Variants in HPS1 observed in about 807,000 individuals in gnomAD.
HPS1 encodes BLOC-3 complex member HPS1.
In HPS1, 59 loss-of-function variants were observed where a neutral mutation model predicts 90.6. The observed-to-expected ratio is 0.65, with a 90% CI of 0.53 to 0.81. The LOEUF is 0.81. Ranked by LOEUF, HPS1 falls within the 30% of genes least tolerant of loss-of-function variation. The pLI is 0.00. For synonymous variants in HPS1, 388 were observed against 384.4 expected, an observed-to-expected ratio of 1.01 and a Z score of -0.11; for missense variants, 849 against 896.7, an observed-to-expected ratio of 0.95 and a Z score of 0.68.
Position 98,435,902 on chromosome 10 carries a change from T to A in HPS1, c.118-130A>T, listed in dbSNP as rs905787849. ...CCCTCCTGGGAGGGTATCACTGTCC[T>A]GGTAGGGAGGGGAGCAAAAAGAGAC... On this transcript the variant is annotated intron_variant, in intron 3 of 19. Coordinates refer to ENST00000361490, the MANE Select transcript of HPS1 (RefSeq NM_000195.5). This position sits in a 1 kb window ranked among gnomAD's most constrained non-coding sequence, Gnocchi z 4.3. 2.6e-6 allele frequency: 3 copies of A among 1,175,626 alleles called. No homozygotes were observed. Among genetic ancestry groups the A allele is most frequent in the Non-Finnish European group, 3.7e-6 (3 of 819,510 alleles). 72.8% of individuals were successfully genotyped at this position (1,175,626 alleles called of 1,614,324 possible). A position where few individuals can be genotyped will look rare whatever the true frequency, so the allele number is the denominator to read the frequency against.
At chr10:98,424,613 CG>C (rs1564836798) in intron 13 of HPS1, among the ~76,000 whole-genome samples, 1 of 151,984 alleles carries the variant, frequency 6.6e-6, no homozygotes, top group East Asian at 1.9e-4. Flanking sequence ...CGCTGTCTGA[CG>C]GGCACAGGCA....
chr10:98,435,884 G>A lies in HPS1; in HGVS notation c.118-112C>T. 16 of 1,322,040 alleles carry A rather than the reference G, an allele frequency of 1.2e-5. No homozygotes were observed. The highest frequency in any genetic ancestry group is 1.7e-5 in the Non-Finnish European group (16 of 932,568). The allele number at this position is 1,322,040 out of a possible 1,614,324, so 81.9% of individuals were successfully genotyped here. ...GGGTTCCATAGTGTTAGACCCTCCT[G>A]GGAGGGTATCACTGTCCTGGTAGGG... On this transcript the variant is annotated intron_variant, in intron 3 of 19. Transcript: ENST00000361490. This position sits in a 1 kb window ranked among gnomAD's most constrained non-coding sequence, Gnocchi z 4.3.
chr10:98,431,676 G>A (rs1233592446), intron 6 of HPS1, among the ~76,000 whole-genome samples: 1 of 152,152 alleles, frequency 6.6e-6, no homozygotes, highest in Non-Finnish European at 1.5e-5. Flanking sequence ...ACCAGAGAAA[G>A]AGGGAGAGAG....
At chr10:98,423,284 C>T (rs930210808) in intron 16 of HPS1, among the ~76,000 whole-genome samples, 2 of 147,476 alleles carry the variant, frequency 1.4e-5, no homozygotes, top group Admixed American at 6.8e-5. Context: ...CAGGAACCCC[C>T]CCCCCGGTCC....
chr10:98,422,019 T>G (rs1203611742), intron 17 of HPS1, among the ~76,000 whole-genome samples: 1 of 135,252 alleles, frequency 7.4e-6, no homozygotes, highest in Non-Finnish European at 1.6e-5. Context: ...CACACACGTA[T>G]AGTTTTTTTG....
rs1845003983 is a variant in HPS1, at chr10:98,422,408, C to T, written c.1704G>A (p.Glu568=). ...SLNCSQKTSS[E]LGKGPLAAFV... is the part of the protein sequence containing the mutation. ...AGGCAGCCAGCGGCCCCTTGCCCAA[C>T]TCCGACGAGGTCTTTTGACTGCAGT... The change falls in exon 17 of 20, where the codon GAG becomes GAA. Residue 568 remains glutamate (E), a synonymous_variant. Transcript: ENST00000361490. 5 of 1,614,014 alleles carry T rather than the reference C, an allele frequency of 3.1e-6. No individual in the cohort carries two copies. In the South Asian group the frequency reaches 5.5e-5, roughly 18 times the overall value.
intron 8 of HPS1, 28 bp from the exon 9 acceptor site, chr10:98,429,917 A>T (rs1204749723): frequency 6.3e-7 from 1 of 1,592,374 alleles, no homozygotes; most frequent in East Asian, 2.2e-5. Flanking sequence ...GAGGCTGGTT[A>T]GCTCCTATCT....
chr10:98,435,410 C>T lies in HPS1; in HGVS notation c.260G>A (p.Gly87Glu). The T allele has an allele frequency of 6.2e-7, 1 of 1,613,884 alleles. No homozygotes were observed. Among genetic ancestry groups the T allele is most frequent in the Non-Finnish European group, 8.5e-7 (1 of 1,180,018 alleles). The stretch of plus-strand genomic sequence containing the variant: ...ATTGATGGCAATGAACAGGCATTCT[C>T]CAAACTGCAGGCACAGGCAGGCCAG... ...GNFLYVLHLF[G>E]ECLFIAINGD... Residue 87 changes from glycine to glutamate, a missense_variant, in exon 5 of 20, where the codon GGA (glycine) becomes GAA (glutamate). Transcript: ENST00000361490. The surrounding 1 kb of genome is among the most constrained non-coding windows in gnomAD (Gnocchi z 4.3).
intron 9 of HPS1, 31 bp downstream of exon 9, chr10:98,429,760 C>A (rs1846134129): frequency 1.9e-6 from 3 of 1,613,290 alleles, no homozygotes; most frequent in South Asian, 1.1e-5. Context: ...TCCCCTCCTG[C>A]CCCTGACTCC....
At chr10:98,432,443 A>G (rs1284842420) in intron 6 of HPS1, among the ~76,000 whole-genome samples, 1 of 152,230 alleles carries the variant, frequency 6.6e-6, no homozygotes, top group East Asian at 1.9e-4. Context: ...AGCATATAAT[A>G]GGTACTATAT....
In HPS1 at chr10:98,431,427, T is replaced by A. The variant is rs968949535; in HGVS notation, c.508-136A>T. The A allele has an allele frequency of 6.6e-6, 6 of 913,904 alleles. No homozygotes were observed. The African/African-American group carries it at 6.6e-5, about 10-fold the overall frequency. The allele number at this position is 913,904 out of a possible 1,614,324, so 56.6% of individuals were successfully genotyped here. A position where few individuals can be genotyped will look rare whatever the true frequency, so the allele number is the denominator to read the frequency against. On this transcript the variant is annotated intron_variant, in intron 6 of 19. Coordinates refer to ENST00000361490, the MANE Select transcript of HPS1 (RefSeq NM_000195.5). The stretch of plus-strand genomic sequence containing the variant: ...ACCAGATACTTGGAAACAGGGGGAC[T>A]AAGACCCACCAGGTCCCAGCCTTCC...
chr10:98,428,039 T>C (rs1407429354), intron 10 of HPS1, among the ~76,000 whole-genome samples: 1 of 152,088 alleles, frequency 6.6e-6, no homozygotes, highest in African/African-American at 2.4e-5. Context: ...AGGAAGATGG[T>C]GATGAATGAG....
At chr10:98,441,453 T>C (rs888511005) in intron 3 of HPS1, among the ~76,000 whole-genome samples, 2 of 152,198 alleles carry the variant, frequency 1.3e-5, no homozygotes, top group Non-Finnish European at 2.9e-5. Context: ...GAAAACTCTT[T>C]GTAAGTTGGG....
At chr10:98,419,073 T>C (rs1378258213) in intron 18 of HPS1, among the ~76,000 whole-genome samples, 5 of 152,100 alleles carry the variant, frequency 3.3e-5, no homozygotes, top group Admixed American at 3.3e-4. Context: ...TGTGTCTCCA[T>C]CCGTACAACG....
Position 98,423,797 on chromosome 10 carries a change from T to A in HPS1, c.1488A>T (p.Pro496=). ...GGTCCTGCAGGTGCTGGGGCAGGTG[T>A]GGGCCTCCCCTGCTGGGGGCTGTGG... The part of the protein sequence containing the change: ...FLTTAPSRGG[P]HLPQHLQDQV... The change falls in exon 15 of 20, where the codon CCA becomes CCT. Residue 496 remains proline (P), a synonymous_variant. Transcript: ENST00000361490. 1 of 1,614,012 alleles carries A rather than the reference T, an allele frequency of 6.2e-7. No homozygotes were observed. Among genetic ancestry groups the A allele is most frequent in the Non-Finnish European group, 8.5e-7 (1 of 1,180,010 alleles).
rs190970365 is a variant in HPS1, at chr10:98,445,114, G to A, written c.-1+186C>T. On this transcript the variant is annotated intron_variant, in intron 2 of 19. Coordinates refer to ENST00000361490, the MANE Select transcript of HPS1 (RefSeq NM_000195.5). The surrounding 1 kb of genome is among the most constrained non-coding windows in gnomAD (Gnocchi z 4.5). The stretch of plus-strand genomic sequence containing the variant: ...GTGATGACCTGCCTGGATTCGAGGG[G>A]TGAAGGAGAGATGAGGCATCAGGAT... Among the ~76,000 whole-genome samples, 1 of 152,290 alleles carries A rather than the reference G, an allele frequency of 6.6e-6. No homozygotes were observed.
chr10:98,433,806 A>G (rs1591108639), intron 6 of HPS1, 177 bp downstream of exon 6: 4 of 796,704 alleles, frequency 5.0e-6, no homozygotes, highest in Non-Finnish European at 7.9e-6. Flanking sequence ...ACCATGGGAA[A>G]GCCCATCAGG....
In HPS1 at chr10:98,417,332, A is replaced by T. The variant is rs1421218953; in HGVS notation, c.*232T>A. The T allele has an allele frequency of 2.1e-6, 1 of 486,946 alleles. No homozygotes were observed. Among genetic ancestry groups the T allele is most frequent in the Non-Finnish European group, 3.6e-6 (1 of 274,666 alleles). The allele number at this position is 486,946 out of a possible 1,614,324, so 30.2% of individuals were successfully genotyped here. ...GAGCTGTTGCCACCGTTGTTTTACA[A>T]ACAGGACCCCTGGGCTTCCCTCTTC... On this transcript the variant is annotated 3_prime_UTR_variant, in exon 20 of 20. Transcript: ENST00000361490. This position sits in a 1 kb window ranked among gnomAD's most constrained non-coding sequence, Gnocchi z 4.2.
chr10:98,431,026 G>A (rs1162140210), intron 7 of HPS1, 105 bp downstream of exon 7: 2 of 1,176,684 alleles, frequency 1.7e-6, no homozygotes, highest in East Asian at 2.5e-5. Flanking sequence ...GCTTCATGGA[G>A]GAGGTGATTC....
Sources: gnomAD v4.1 joint callset for allele counts (sites outside exome capture counted in the v4.1 genomes callset) on GRCh38, gnomAD v4.1.1 for gene constraint, Gnocchi (gnomAD v3.1) non-coding constraint, MANE v1.5 for transcripts, NCBI Gene and HGNC (gene_info 2026-07-23, HGNC 2026-07-21) for gene names.